Variants in DOT1L observed in about 807,000 individuals in gnomAD.
DOT1L encodes DOT1 like histone lysine methyltransferase.
In DOT1L, 33 loss-of-function variants were observed where a neutral mutation model predicts 153.3. The observed-to-expected ratio is 0.22, with a 90% CI of 0.16 to 0.29. The LOEUF (loss-of-function observed/expected upper bound fraction) is 0.29. Among genes scored for constraint, DOT1L ranks in the 10% least tolerant of loss-of-function variants. The probability of loss-of-function intolerance (pLI) is 1.00; values close to 1 mark genes in which losing one functional copy is unlikely to be tolerated. For missense variants in DOT1L, 1,847 were observed against 2,119.9 expected (o/e 0.87, Z 2.53); for synonymous variants, 1,135 against 965.1 (o/e 1.18, Z -3.26).
intron 12 of DOT1L, 39 bp from the exon 13 acceptor site, chr19:2,210,361 C>T (rs947396690): frequency 1.2e-5 from 18 of 1,469,836 alleles, no homozygotes; most frequent in Admixed American, 7.3e-5. Context: ...CCGTGGGCAG[C>T]GCTGGGGCTT....
At chr19:2,176,879 G>C (rs2144681383) in intron 1 of DOT1L, among the ~76,000 whole-genome samples, 1 of 152,346 alleles carries the variant, frequency 6.6e-6, no homozygotes, top group South Asian at 2.1e-4. Context: ...TGGAATTCCA[G>C]CTTGAGGAGG....
In DOT1L at chr19:2,231,834, GA is replaced by G. The variant is rs2024611147; in HGVS notation, c.*2043del. 4.5e-6 allele frequency: 1 copy of G among 220,110 alleles called. No individual in the cohort carries two copies. Among genetic ancestry groups the G allele is most frequent in the African/African-American group, 2.2e-5 (1 of 44,566 alleles). The allele number at this position is 220,110 out of a possible 1,614,324, so 13.6% of individuals were successfully genotyped here. ...TCCGGGTGCCATCACGGGTCCTGCA[GA>G]TGGCCATGCAGGGCTCCTGCCCACG... On this transcript the variant is annotated 3_prime_UTR_variant, in exon 28 of 28. Transcript: ENST00000398665.
chr19:2,199,689 C>T (rs889802180), intron 7 of DOT1L, among the ~76,000 whole-genome samples, 195 bp from the exon 8 acceptor site: 11 of 152,190 alleles, frequency 7.2e-5, no homozygotes, highest in African/African-American at 1.4e-4. Flanking sequence ...AGGTCCTGCC[C>T]GTTCTCTGCG....
At position 2,222,407 on chromosome 19, in the gene DOT1L, G is replaced by T. The variant is rs755921261; in HGVS notation, c.3238G>T (p.Gly1080Trp). The change falls in exon 24 of 28, where the codon GGG becomes TGG. Residue 1080 changes from glycine to tryptophan, a missense_variant. By Grantham distance (184) the Gly-to-Trp change is radical. This residue lies in a region of DOT1L where 934 missense variants were observed against 825.3 expected (regional missense o/e 1.13). Transcript: ENST00000398665. This position sits in a 1 kb window ranked among gnomAD's most constrained non-coding sequence, Gnocchi z 6.5. Reference protein sequence around the residue: ...SARGDCVPSHGQDSRRRGRRK... With the variant: ...SARGDCVPSHWQDSRRRGRRK... ...CCGTGGGGACTGTGTGCCGAGCCACGGGCAGGACAGTCGCAGGCGCGGCCG... is the reference window on the plus strand; with the variant it reads ...CCGTGGGGACTGTGTGCCGAGCCACTGGCAGGACAGTCGCAGGCGCGGCCG... 6.2e-7 allele frequency: 1 copy of T among 1,611,016 alleles called. No homozygotes were observed. The highest frequency in any genetic ancestry group is 1.3e-5 in the African/African-American group (1 of 75,030).
At chr19:2,172,525 A>G (rs945938912) in intron 1 of DOT1L, among the ~76,000 whole-genome samples, 6 of 135,082 alleles carry the variant, frequency 4.4e-5, no homozygotes, top group Non-Finnish European at 6.2e-5. Flanking sequence ...TTTTTTGAAG[A>G]CAGAGTCTCA....
At chr19:2,168,023 C>T (rs536205763) in intron 1 of DOT1L, among the ~76,000 whole-genome samples, 1 of 152,208 alleles carries the variant, frequency 6.6e-6, no homozygotes, top group Non-Finnish European at 1.5e-5. Flanking sequence ...GCGTGAACCA[C>T]CGTGCCCAGA....
intron 22 of DOT1L, among the ~76,000 whole-genome samples, 189 bp downstream of exon 22, chr19:2,218,107 T>G (rs1416547592): frequency 1.3e-5 from 2 of 152,210 alleles, no homozygotes; most frequent in Non-Finnish European, 1.5e-5. Context: ...GCCAGTCTTT[T>G]TCTTTTGGGT....
chr19:2,214,135 T>A, intron 18 of DOT1L, 149 bp downstream of exon 18: 7 of 1,324,980 alleles, frequency 5.3e-6, no homozygotes, highest in Non-Finnish European at 7.1e-6. Context: ...TGAAAGCTTG[T>A]CGAGCGCGTC....
rs1297360238 is a variant in DOT1L, at chr19:2,191,896, A to G, written c.493+656A>G. 6.6e-6 allele frequency among the ~76,000 whole-genome samples: 1 copy of G among 152,190 alleles called. No homozygotes were observed. Among genetic ancestry groups the G allele is most frequent in the Non-Finnish European group, 1.5e-5 (1 of 68,014 alleles). On this transcript the variant is annotated intron_variant, in intron 5 of 27. Coordinates refer to ENST00000398665, the MANE Select transcript of DOT1L (RefSeq NM_032482.3). The surrounding 1 kb of genome is among the most constrained non-coding windows in gnomAD (Gnocchi z 6.8). ...GCGGGGCTCCTTGAAACGAGGCCCT[A>G]GGTGTGTCTTCAGCAGCAGCGTGGC...
In DOT1L at chr19:2,220,436, C is replaced by G. The variant is rs2024073680; in HGVS notation, c.2806+214C>G. 1.5e-6 allele frequency: 1 copy of G among 665,908 alleles called. No individual in the cohort carries two copies. The highest frequency in any genetic ancestry group is 1.8e-5 in the African/African-American group (1 of 56,324). 41.2% of individuals were successfully genotyped at this position (665,908 alleles called of 1,614,324 possible). Reference sequence around the variant, plus strand: ...AGCTGCAGCCATCTCGGCCTCATACCTGGGTCTCCCGACACTGACACCTCC... The same window carrying G: ...AGCTGCAGCCATCTCGGCCTCATACGTGGGTCTCCCGACACTGACACCTCC... On this transcript the variant is annotated intron_variant, in intron 23 of 27. Coordinates refer to ENST00000398665, the MANE Select transcript of DOT1L (RefSeq NM_032482.3). The surrounding 1 kb of genome is among the most constrained non-coding windows in gnomAD (Gnocchi z 4.5).
Position 2,226,253 on chromosome 19 carries a change from C to A in DOT1L, c.3732C>A (p.Thr1244=). 6.3e-7 allele frequency: 1 copy of A among 1,578,470 alleles called. No individual in the cohort carries two copies. The highest frequency in any genetic ancestry group is 8.6e-7 in the Non-Finnish European group (1 of 1,160,892). ...TCAATAGCAGCAAGTGGAAGTCCACCTTCTCGCCCATCTCCGACATCGGCC... is the reference window on the plus strand; with the variant it reads ...TCAATAGCAGCAAGTGGAAGTCCACATTCTCGCCCATCTCCGACATCGGCC... ...EPVNSSKWKS[T]FSPISDIGLA... The change falls in exon 27 of 28, where the codon ACC becomes ACA. Residue 1244 remains threonine (T), a synonymous_variant. Transcript: ENST00000398665.
intron 27 of DOT1L, chr19:2,227,585 C>T: frequency 1.3e-5 from 12 of 905,976 alleles, no homozygotes; most frequent in Non-Finnish European, 1.8e-5. Flanking sequence ...GGCGGGCCAC[C>T]ACGAGCCTGG....
Position 2,216,515 on chromosome 19 carries a change from T to C in DOT1L, c.2158T>C (p.Tyr720His). Reference protein sequence around the residue: ...ELSMNGQAAGYELCGVLSRPS... With the variant: ...ELSMNGQAAGHELCGVLSRPS... Reference sequence around the variant, plus strand: ...CTCCATGAACGGCCAGGCTGCTGGCTATGAGCTCTGCGGTGTGCTGAGCCG... The same window carrying C: ...CTCCATGAACGGCCAGGCTGCTGGCCATGAGCTCTGCGGTGTGCTGAGCCG... The change falls in exon 20 of 28, where the codon TAT becomes CAT. Residue 720 changes from tyrosine (Y) to histidine (H), a missense_variant. Around this residue, in one of 8 missense-constraint regions of DOT1L, gnomAD observed 281 missense variants for 263.6 expected, o/e 1.07. Coordinates refer to ENST00000398665, the MANE Select transcript of DOT1L (RefSeq NM_032482.3). 6.2e-7 allele frequency: 1 copy of C among 1,612,382 alleles called. No homozygotes were observed. Among genetic ancestry groups the C allele is most frequent in the Non-Finnish European group, 8.5e-7 (1 of 1,179,952 alleles).
chr19:2,202,265 T>C (rs1176872994), intron 8 of DOT1L, among the ~76,000 whole-genome samples: 2 of 152,196 alleles, frequency 1.3e-5, no homozygotes, highest in Non-Finnish European at 2.9e-5. Context: ...TGGGACCCGT[T>C]GTCTGCGGTC....
chr19:2,208,821 C>A lies in DOT1L; in HGVS notation c.964-114C>A. 2.7e-6 allele frequency: 3 copies of A among 1,105,852 alleles called. No homozygotes were observed. The highest frequency in any genetic ancestry group is 2.2e-5 in the Admixed American group (1 of 46,210). 68.5% of individuals were successfully genotyped at this position (1,105,852 alleles called of 1,614,324 possible). Reference sequence around the variant, plus strand: ...GCTGCATGCCTGCTGTCCCCAGATACCAGAACAGCCTCCCCAGCCACTGTC... The same window carrying A: ...GCTGCATGCCTGCTGTCCCCAGATAACAGAACAGCCTCCCCAGCCACTGTC... On this transcript the variant is annotated intron_variant, in intron 11 of 27. Transcript: ENST00000398665. The surrounding 1 kb of genome is among the most constrained non-coding windows in gnomAD (Gnocchi z 4.4).
intron 2 of DOT1L, among the ~76,000 whole-genome samples, chr19:2,181,259 G>C (rs774594730): frequency 2.6e-5 from 4 of 152,176 alleles, no homozygotes; most frequent in African/African-American, 9.7e-5. Context: ...CATGGTGGCC[G>C]GCATTCTGCG....
intron 23 of DOT1L, chr19:2,221,672 A>C: frequency 2.3e-6 from 1 of 425,592 alleles, no homozygotes; most frequent in Non-Finnish European, 4.2e-6. Flanking sequence ...TACTCAGAGG[A>C]AGCCTAGCTC....
intron 8 of DOT1L, 22 bp downstream of exon 8, chr19:2,199,961 C>G (rs2144779819): frequency 6.2e-7 from 1 of 1,613,146 alleles, no homozygotes; most frequent in Non-Finnish European, 8.5e-7. Flanking sequence ...GTGGGGCATG[C>G]AGGGCATGTG....
intron 1 of DOT1L, among the ~76,000 whole-genome samples, chr19:2,169,857 TAAAA>T (rs1036999480): frequency 6.6e-6 from 1 of 151,764 alleles, no homozygotes; most frequent in African/African-American, 2.4e-5. Context: ...AAAGTTTAAT[TAAAA>T]AAAACACACG....
Sources: gnomAD v4.1 joint callset for allele counts (sites outside exome capture counted in the v4.1 genomes callset) on GRCh38, gnomAD v4.1.1 for gene constraint, gnomAD v4.1.1 regional missense constraint, Gnocchi (gnomAD v3.1) non-coding constraint, MANE v1.5 for transcripts, NCBI Gene and HGNC (gene_info 2026-07-23, HGNC 2026-07-21) for gene names.